Variants in GHR observed in about 807,000 individuals in gnomAD.
GHR encodes the protein GH receptor.
Under a neutral mutation model 67.1 loss-of-function variants are expected in GHR, and 35 were observed. The observed-to-expected ratio is 0.52, with a 90% CI of 0.40 to 0.69. GHR has a LOEUF of 0.69. GHR is among the 30% of genes least tolerant of loss of function. The probability of loss-of-function intolerance (pLI) is 0.00; values close to 1 mark genes in which losing one functional copy is unlikely to be tolerated. For missense variants in GHR, 792 were observed against 764.6 expected, an observed-to-expected ratio of 1.04 and a Z score of -0.42; for synonymous variants, 272 against 269.1, an observed-to-expected ratio of 1.01 and a Z score of -0.10.
intron 2 of GHR, among the ~76,000 whole-genome samples, chr5:42,574,373 C>T (rs1208946354): frequency 6.6e-6 from 1 of 152,230 alleles, no homozygotes; most frequent in Non-Finnish European, 1.5e-5. Flanking sequence ...TCTTTGTTAG[C>T]TGGGCCAGCA....
chr5:42,524,653 C>T (rs1000413664), intron 1 of GHR, among the ~76,000 whole-genome samples: 2 of 152,190 alleles, frequency 1.3e-5, no homozygotes, highest in Non-Finnish European at 2.9e-5. Flanking sequence ...GGGAAAATGT[C>T]TCCAGGCCAT....
chr5:42,611,322 C>G (rs1752879252), intron 2 of GHR, among the ~76,000 whole-genome samples: 1 of 151,414 alleles, frequency 6.6e-6, no homozygotes, highest in Non-Finnish European at 1.5e-5. Flanking sequence ...AGTTTAGAGT[C>G]TTCCACAGTC....
intron 6 of GHR, among the ~76,000 whole-genome samples, chr5:42,708,720 G>A (rs1758303862): frequency 6.6e-6 from 1 of 152,128 alleles, no homozygotes; most frequent in African/African-American, 2.4e-5. Flanking sequence ...ATGGCATATA[G>A]TTACGTCTCA....
chr5:42,679,650 G>A (rs1756760301), intron 3 of GHR, among the ~76,000 whole-genome samples: 1 of 151,654 alleles, frequency 6.6e-6, no homozygotes, highest in African/African-American at 2.4e-5. Context: ...TACAAATTCT[G>A]AAGCACAGCT....
At chr5:42,498,866 A>T (rs1047975263) in intron 1 of GHR, among the ~76,000 whole-genome samples, 1 of 152,228 alleles carries the variant, frequency 6.6e-6, no homozygotes, top group Non-Finnish European at 1.5e-5. Context: ...CATTATTAAT[A>T]GGCAACTTAT....
At chr5:42,460,469 T>A (rs1049214348) in intron 1 of GHR, among the ~76,000 whole-genome samples, 2 of 152,238 alleles carry the variant, frequency 1.3e-5, no homozygotes, top group African/African-American at 4.8e-5. Context: ...ATTGCTTAAG[T>A]ACTTTGCTTA....
chr5:42,604,163 T>C lies in GHR; in HGVS notation c.71-24875T>C, dbSNP rs552941994. Among the ~76,000 whole-genome samples, 37 of 152,312 alleles carry C rather than the reference T, an allele frequency of 2.4e-4. No individual in the cohort carries two copies. In the South Asian group the frequency reaches 7.7e-3, roughly 32 times the overall value. ...GTTGGGGTACACAACCCTTCGGACA[T>C]GTAGATGAGTTCTTGTTCACCTTCC... On this transcript the variant is annotated intron_variant, in intron 2 of 9. Coordinates refer to ENST00000230882, the MANE Select transcript of GHR (RefSeq NM_000163.5).
chr5:42,458,134 C>G (rs1402721895), intron 1 of GHR, among the ~76,000 whole-genome samples: 1 of 152,128 alleles, frequency 6.6e-6, no homozygotes, highest in Non-Finnish European at 1.5e-5. Flanking sequence ...GAGATTTAAT[C>G]CCATTAAAGG....
chr5:42,689,060 G>A, intron 4 of GHR, 41 bp downstream of exon 4: 3 of 1,573,380 alleles, frequency 1.9e-6, no homozygotes, highest in Non-Finnish European at 2.6e-6. Flanking sequence ...CTCCATGGAT[G>A]TACCTACTAA....
At chr5:42,524,305 G>A (rs1044158632) in intron 1 of GHR, among the ~76,000 whole-genome samples, 2 of 152,176 alleles carry the variant, frequency 1.3e-5, no homozygotes, top group Admixed American at 6.5e-5. Context: ...TGGAGATGAG[G>A]AACTTGTTGG....
At chr5:42,694,846 G>T (rs1448930689) in intron 4 of GHR, 71 bp from the exon 5 acceptor site, 2 of 1,111,558 alleles carry the variant, frequency 1.8e-6, no homozygotes, top group Non-Finnish European at 2.8e-6. Flanking sequence ...AGACTATCAA[G>T]CACCTTACTT....
intron 1 of GHR, among the ~76,000 whole-genome samples, chr5:42,484,004 C>T (rs924872580): frequency 1.3e-5 from 2 of 152,030 alleles, no homozygotes; most frequent in African/African-American, 4.8e-5. Context: ...CTGAATAATA[C>T]TTGCTGTCCA....
intron 3 of GHR, among the ~76,000 whole-genome samples, chr5:42,635,959 C>G (rs1754158762): frequency 6.6e-6 from 1 of 151,566 alleles, no homozygotes; most frequent in African/African-American, 2.4e-5. Flanking sequence ...GCCTGTAATC[C>G]CAGCACTTTG....
At chr5:42,557,114 C>T (rs112760337) in intron 1 of GHR, among the ~76,000 whole-genome samples, 3 of 152,214 alleles carry the variant, frequency 2.0e-5, no homozygotes, top group Non-Finnish European at 2.9e-5. Flanking sequence ...TTAAAGTAGA[C>T]GAGGGAGGAA....
chr5:42,536,031 T>C (rs1274269072), intron 1 of GHR, among the ~76,000 whole-genome samples: 1 of 152,204 alleles, frequency 6.6e-6, no homozygotes, highest in Non-Finnish European at 1.5e-5. Flanking sequence ...GACATGTTGC[T>C]GAATTCTTTT....
chr5:42,494,553 G>A (rs1025034534), intron 1 of GHR, among the ~76,000 whole-genome samples: 7 of 151,998 alleles, frequency 4.6e-5, no homozygotes, highest in African/African-American at 1.7e-4. Context: ...AATAAAGTAT[G>A]GTATAATCCT....
intron 4 of GHR, among the ~76,000 whole-genome samples, chr5:42,690,661 A>C (rs150110202): frequency 1.3e-5 from 2 of 152,152 alleles, no homozygotes; most frequent in Non-Finnish European, 2.9e-5. Context: ...AAATACTTGG[A>C]GTTAGCAACC....
At position 42,468,503 on chromosome 5, in the gene GHR, T is replaced by G. The variant is rs1318051249; in HGVS notation, c.-12+44548T>G. 2.3e-5 allele frequency: 18 copies of G among 786,560 alleles called. No individual in the cohort carries two copies. The South Asian group carries it at 2.9e-4, about 13-fold the overall frequency. 48.7% of individuals were successfully genotyped at this position (786,560 alleles called of 1,614,324 possible). ...GTTCACTGGCTCTGCAGCAGGAGGC[T>G]GGGGGACCAGGACCTCAGCTCCTAC... is the stretch of plus-strand genomic sequence containing the variant. On this transcript the variant is annotated intron_variant, in intron 1 of 9. Coordinates refer to ENST00000230882, the MANE Select transcript of GHR (RefSeq NM_000163.5).
rs540892910 is a variant in GHR, at chr5:42,664,037, G to A, written c.137-24853G>A. 1.5e-3 allele frequency among the ~76,000 whole-genome samples: 235 copies of A among 152,200 alleles called. 1 individual carries two copies. Among genetic ancestry groups the A allele is most frequent in the Non-Finnish European group, 2.7e-3 (186 of 68,012 alleles). On this transcript the variant is annotated intron_variant, in intron 3 of 9. Coordinates refer to ENST00000230882, the MANE Select transcript of GHR (RefSeq NM_000163.5). ...AATAACTAGGAATCCAACTTACAAG[G>A]GACATGAAGGACCTCTTCAAGGAGA...
Sources: allele counts gnomAD v4.1 joint callset (sites outside exome capture counted in the v4.1 genomes callset), GRCh38; gene constraint gnomAD v4.1.1; transcripts MANE v1.5; gene names NCBI Gene and HGNC (gene_info 2026-07-23, HGNC 2026-07-21).